The following MAP2K6 variants were observed in gnomAD, a reference collection of about 807,000 sequenced individuals.
MAP2K6 encodes the protein dual specificity mitogen-activated protein kinase kinase 6.
In MAP2K6, 16 loss-of-function variants were observed where a neutral mutation model predicts 53.7. The ratio of observed to expected loss-of-function variants is 0.30; its 90% CI spans 0.20 to 0.45. The LOEUF is 0.45. MAP2K6 is among the 20% of genes least tolerant of loss of function. The pLI, the probability that MAP2K6 is intolerant of heterozygous loss-of-function variation, is 1.00. For synonymous variants in MAP2K6, 132 were observed against 143.1 expected (o/e 0.92, Z 0.55); for missense variants, 204 against 411.9 (o/e 0.50, Z 4.37).
At chr17:69,481,479 T>C (rs1256216592) in intron 1 of MAP2K6, among the ~76,000 whole-genome samples, 1 of 152,188 alleles carries the variant, frequency 6.6e-6, no homozygotes, top group Admixed American at 6.5e-5. Context: ...TGTACAGATA[T>C]CTCCTTGAGA....
intron 1 of MAP2K6, among the ~76,000 whole-genome samples, chr17:69,483,227 A>G (rs999436081): frequency 6.6e-6 from 1 of 152,038 alleles, no homozygotes; most frequent in African/African-American, 2.4e-5. Flanking sequence ...TAAGAAAACT[A>G]TTAGCACTTA....
chr17:69,477,133 A>G (rs1908178646), intron 1 of MAP2K6: 1 of 152,260 alleles, frequency 6.6e-6, no homozygotes, highest in Admixed American at 6.5e-5. Flanking sequence ...CTTGAAATAA[A>G]GAATTGCATG....
chr17:69,420,575 A>G (rs1201674383), intron 1 of MAP2K6, among the ~76,000 whole-genome samples: 1 of 152,214 alleles, frequency 6.6e-6, no homozygotes, highest in African/African-American at 2.4e-5. Flanking sequence ...TTATAGTCCA[A>G]TCACTTCATT....
intron 10 of MAP2K6, among the ~76,000 whole-genome samples, chr17:69,535,311 G>A (rs1189965786): frequency 6.6e-6 from 1 of 152,146 alleles, no homozygotes; most frequent in Non-Finnish European, 1.5e-5. Context: ...TGTTATGGGG[G>A]GTTGGGCACA....
intron 1 of MAP2K6, among the ~76,000 whole-genome samples, chr17:69,423,125 C>T (rs112647950): frequency 3.9e-4 from 60 of 152,228 alleles, no homozygotes; most frequent in African/African-American, 1.4e-3. Flanking sequence ...CCTTGTGATC[C>T]GTCCTCCTCG....
Position 69,428,850 on chromosome 17 carries a change from CTGTTTT to C in MAP2K6, c.16+13864_16+13869del, listed in dbSNP as rs774512187. On this transcript the variant is annotated intron_variant, in intron 1 of 11. Coordinates refer to ENST00000590474, the MANE Select transcript of MAP2K6 (RefSeq NM_002758.4). ...ACGGACAGACTACCTGCCCTTTCTT[CTGTTTT>C]TGTTTTTGTTTTTTTTTTTTTTAAT... Among the ~76,000 whole-genome samples the C allele has an allele frequency of 1.1e-3, 132 of 116,980 alleles. 1 individual carries two copies. Among genetic ancestry groups the C allele is most frequent in the Admixed American group, 2.0e-3 (23 of 11,576 alleles). The allele number at this position is 116,980 out of a possible 152,430, so 76.7% of individuals were successfully genotyped here. A position where few individuals can be genotyped will look rare whatever the true frequency, so the allele number is the denominator to read the frequency against.
Position 69,494,058 on chromosome 17 carries a change from C to T in MAP2K6, c.17-11722C>T, listed in dbSNP as rs1908853941. On this transcript the variant is annotated intron_variant, in intron 1 of 11. Transcript: ENST00000590474. This position sits in a 1 kb window ranked among gnomAD's most constrained non-coding sequence, Gnocchi z 4.2. ...TGATCAAGTTGAATCTGATCAATTT[C>T]TAACCAACAGAGGGATGTGTGAGTC... Among the ~76,000 whole-genome samples, 1 of 152,208 alleles carries T rather than the reference C, an allele frequency of 6.6e-6. No individual in the cohort carries two copies.
At chr17:69,424,699 A>G (rs553544288) in intron 1 of MAP2K6, among the ~76,000 whole-genome samples, 1 of 152,338 alleles carries the variant, frequency 6.6e-6, no homozygotes, top group East Asian at 1.9e-4. Flanking sequence ...AGGAATTTGG[A>G]TAGATTTGGG....
At chr17:69,483,265 A>G (rs962689478) in intron 1 of MAP2K6, among the ~76,000 whole-genome samples, 1 of 152,090 alleles carries the variant, frequency 6.6e-6, no homozygotes, top group East Asian at 1.9e-4. Context: ...GGTGCAGGAT[A>G]CAAGATTAAC....
At chr17:69,416,847 A>G (rs1444450124) in intron 1 of MAP2K6, among the ~76,000 whole-genome samples, 1 of 152,202 alleles carries the variant, frequency 6.6e-6, no homozygotes, top group East Asian at 1.9e-4. Flanking sequence ...CTGTGATCTT[A>G]TCTTTGGACT....
intron 6 of MAP2K6, chr17:69,520,802 AAAG>A (rs1910426267): frequency 2.3e-6 from 1 of 426,662 alleles, no homozygotes; most frequent in East Asian, 3.7e-5. Flanking sequence ...GTGGAGAGAA[AAAG>A]AAGGAGGACA....
rs145913797 is a variant in MAP2K6, at chr17:69,481,207, C to T, written c.17-24573C>T. 2.4e-3 allele frequency among the ~76,000 whole-genome samples: 372 copies of T among 152,284 alleles called. 1 individual carries two copies. Among genetic ancestry groups the T allele is most frequent in the African/African-American group, 8.7e-3 (362 of 41,546 alleles). ...TTACTTTCTGTCTGTATGAATTTGA[C>T]TACTCCAGGTACCTTGTTTAAGTGG... On this transcript the variant is annotated intron_variant, in intron 1 of 11. Transcript: ENST00000590474.
intron 1 of MAP2K6, among the ~76,000 whole-genome samples, chr17:69,492,981 C>T (rs1416154720): frequency 6.6e-6 from 1 of 150,930 alleles, no homozygotes; most frequent in Non-Finnish European, 1.5e-5. Flanking sequence ...CCAAAGCCAG[C>T]ATCATTTTTT....
intron 1 of MAP2K6, among the ~76,000 whole-genome samples, chr17:69,458,215 G>A (rs560520140): frequency 3.9e-5 from 6 of 152,062 alleles, no homozygotes; most frequent in Non-Finnish European, 8.8e-5. Context: ...CATCAAGCCC[G>A]CTAATTTTTG....
chr17:69,490,754 C>T (rs1908712375), intron 1 of MAP2K6, among the ~76,000 whole-genome samples: 1 of 151,658 alleles, frequency 6.6e-6, no homozygotes, highest in Non-Finnish European at 1.5e-5. Context: ...GGTACATGTG[C>T]AGGTTTGTTA....
intron 1 of MAP2K6, among the ~76,000 whole-genome samples, chr17:69,492,490 A>G (rs1908789993): frequency 6.6e-6 from 1 of 152,100 alleles, no homozygotes; most frequent in African/African-American, 2.4e-5. Flanking sequence ...TGGGCTCTGT[A>G]TTCTGTCCCG....
At chr17:69,449,591 TTTTC>T (rs1408022074) in intron 1 of MAP2K6, among the ~76,000 whole-genome samples, 86 of 131,362 alleles carry the variant, frequency 6.5e-4, no homozygotes, top group South Asian at 1.6e-3. Flanking sequence ...CTTTCTTTCT[TTTTC>T]TTTCTTTCTC....
chr17:69,523,600 G>A lies in MAP2K6; in HGVS notation c.622G>A (p.Val208Ile). 6.2e-7 allele frequency: 1 copy of A among 1,614,078 alleles called. No individual in the cohort carries two copies. Among genetic ancestry groups the A allele is most frequent in the Non-Finnish European group, 8.5e-7 (1 of 1,179,954 alleles). Residue 208 changes from valine to isoleucine, a missense_variant, in exon 8 of 12, where the codon GTT becomes ATT. By Grantham distance (29) the Val-to-Ile change is conservative. Coordinates refer to ENST00000590474, the MANE Select transcript of MAP2K6 (RefSeq NM_002758.4). ...AATCAGTGGCTACTTGGTGGACTCT[G>A]TTGCTAAAACAATTGATGCAGGTTG... is the stretch of plus-strand genomic sequence containing the variant. ...FGISGYLVDS[V>I]AKTIDAGCKP...
At chr17:69,429,714 T>C (rs1906396218) in intron 1 of MAP2K6, among the ~76,000 whole-genome samples, 1 of 152,022 alleles carries the variant, frequency 6.6e-6, no homozygotes, top group South Asian at 2.1e-4. Context: ...GGAAAGAAAT[T>C]GTTAGGCATG....
Sources: allele counts gnomAD v4.1 joint callset (sites outside exome capture counted in the v4.1 genomes callset), GRCh38; gene constraint gnomAD v4.1.1; non-coding constraint Gnocchi (gnomAD v3.1); transcripts MANE v1.5; gene names NCBI Gene and HGNC (gene_info 2026-07-23, HGNC 2026-07-21).